Variants in UTRN observed in about 807,000 individuals in gnomAD.
The protein encoded by UTRN is utrophin.
A neutral mutation model predicts 463.9 loss-of-function variants in UTRN; 283 were observed. That is an observed-to-expected ratio of 0.61 (90% CI 0.55 to 0.67). The LOEUF is 0.67. Ranked by LOEUF, UTRN falls within the 30% of genes least tolerant of loss-of-function variation. UTRN has a pLI of 0.00. For missense variants in UTRN, 3,922 were observed against 4,084.3 expected (o/e 0.96, Z 1.08); for synonymous variants, 1,442 against 1,431.5 (o/e 1.01, Z -0.17).
intron 2 of UTRN, among the ~76,000 whole-genome samples, chr6:144,378,596 G>A (rs1780657127): frequency 6.6e-6 from 1 of 152,196 alleles, no homozygotes; most frequent in Non-Finnish European, 1.5e-5. Flanking sequence ...CCAATATCCC[G>A]AGGCAGGAAA....
intron 50 of UTRN, among the ~76,000 whole-genome samples, chr6:144,558,919 A>G (rs1799620015): frequency 6.6e-6 from 1 of 152,214 alleles, no homozygotes; most frequent in African/African-American, 2.4e-5. Flanking sequence ...AGTACGATGA[A>G]TAAAAATTAT....
At chr6:144,608,842 G>T (rs1241264554) in intron 51 of UTRN, among the ~76,000 whole-genome samples, 6 of 152,104 alleles carry the variant, frequency 3.9e-5, no homozygotes, top group Non-Finnish European at 5.9e-5. Flanking sequence ...TTTCATCTTG[G>T]TATCTGCAAC....
intron 51 of UTRN, among the ~76,000 whole-genome samples, chr6:144,628,800 G>A (rs185969636): frequency 2.0e-5 from 3 of 152,248 alleles, no homozygotes; most frequent in East Asian, 1.9e-4. Context: ...TAGATCTGAC[G>A]ATTCACAACT....
intron 54 of UTRN, among the ~76,000 whole-genome samples, chr6:144,744,398 T>C (rs917731710): frequency 7.0e-6 from 1 of 142,710 alleles, no homozygotes; most frequent in Non-Finnish European, 1.6e-5. Context: ...ATGTATAATA[T>C]ATACATAATT....
chr6:144,334,457 C>T lies in UTRN; in HGVS notation c.79+42550C>T, dbSNP rs180968220. ...GTTGCGTCACTCTGTCATCTGTCGC[C>T]GAAAGACTCATAATCCGGGCAGCCT... On this transcript the variant is annotated intron_variant, in intron 2 of 74. Coordinates refer to ENST00000367545, the MANE Select transcript of UTRN (RefSeq NM_007124.3). 2.7e-3 allele frequency among the ~76,000 whole-genome samples: 405 copies of T among 151,930 alleles called. 3 individuals are homozygous for T. The highest frequency in any genetic ancestry group is 9.3e-3 in the African/African-American group (383 of 41,380).
At chr6:144,295,678 T>G (rs1473069824) in intron 2 of UTRN, among the ~76,000 whole-genome samples, 1 of 152,236 alleles carries the variant, frequency 6.6e-6, no homozygotes, top group East Asian at 1.9e-4. Context: ...TCACCCAGTC[T>G]CTGTTTGCAC....
chr6:144,828,701 T>G, intron 68 of UTRN, 89 bp from the exon 69 acceptor site: 6 of 1,302,356 alleles, frequency 4.6e-6, no homozygotes, highest in Non-Finnish European at 6.6e-6. Flanking sequence ...GTCAGAATTT[T>G]GACAATTTAA....
Position 144,813,655 on chromosome 6 carries a change from G to A in UTRN, c.9358-7227G>A, listed in dbSNP as rs9403613. Among the ~76,000 whole-genome samples, 481 of 152,206 alleles carry A rather than the reference G, an allele frequency of 3.2e-3. 20 individuals are homozygous for A. In the East Asian group the frequency reaches 0.077, roughly 24 times the overall value. On this transcript the variant is annotated intron_variant, in intron 65 of 74. Transcript: ENST00000367545. ...GAGATCCAAAATAAATCCAGGTGGCGATAAGCCACCACCAGCCACAAAACG... is the reference window on the plus strand; with the variant it reads ...GAGATCCAAAATAAATCCAGGTGGCAATAAGCCACCACCAGCCACAAAACG...
At chr6:144,380,059 T>C (rs1241862944) in intron 2 of UTRN, among the ~76,000 whole-genome samples, 1 of 152,178 alleles carries the variant, frequency 6.6e-6, no homozygotes, top group Non-Finnish European at 1.5e-5. Context: ...GAAGAATGAA[T>C]AAATAAATGT....
At chr6:144,718,907 C>T (rs9373425) in intron 53 of UTRN, among the ~76,000 whole-genome samples, 69,623 of 152,102 alleles carry the variant, frequency 0.46, 21,174 homozygotes, top group East Asian at 0.87. Flanking sequence ...GCAGGTGGCA[C>T]TGGAGCCGGA....
At position 144,522,015 on chromosome 6, in the gene UTRN, T is replaced by A; in HGVS notation, c.5577T>A (p.Leu1859=). The A allele has an allele frequency of 6.3e-7, 1 of 1,579,564 alleles. No individual in the cohort carries two copies. ...IPIQQRKMGQ[L]ASGIRSSLLP... The stretch of plus-strand genomic sequence containing the variant: ...TTCAACAGAGGAAAATGGGTCAACT[T>A]GCTTCTGGAATTAGATCATCACTTC... Residue 1859 remains leucine (L), a synonymous_variant, in exon 40 of 75, where the codon CTT becomes CTA. Transcript: ENST00000367545.
intron 51 of UTRN, among the ~76,000 whole-genome samples, chr6:144,664,338 G>A (rs1433678708): frequency 2.0e-5 from 3 of 152,170 alleles, no homozygotes; most frequent in Non-Finnish European, 4.4e-5. Flanking sequence ...CATTTGAAAT[G>A]CGATAATTTT....
intron 52 of UTRN, among the ~76,000 whole-genome samples, chr6:144,682,844 TG>T (rs1380265743): frequency 1.3e-5 from 2 of 152,222 alleles, no homozygotes; most frequent in Non-Finnish European, 2.9e-5. Context: ...TTGCCAAAAA[TG>T]GTGGCACGTG....
intron 23 of UTRN, among the ~76,000 whole-genome samples, chr6:144,464,505 CT>C (rs967617971): frequency 6.0e-4 from 87 of 145,404 alleles, no homozygotes; most frequent in Admixed American, 5.5e-4. Context: ...GACTCATTTA[CT>C]TTTTTTTTTT....
intron 48 of UTRN, 54 bp downstream of exon 48, chr6:144,551,136 G>GACACACACACAC (rs5880596): frequency 5.2e-5 from 33 of 635,250 alleles, no homozygotes; most frequent in Middle Eastern, 9.8e-4. Context: ...TGCAAATGGT[G>GACACACACACAC]ACACACACAC....
chr6:144,806,713 G>T (rs1778184429), intron 65 of UTRN, among the ~76,000 whole-genome samples: 2 of 140,592 alleles, frequency 1.4e-5, no homozygotes, highest in East Asian at 4.3e-4. Context: ...TAATCTTTGT[G>T]CAATAATTAA....
Position 144,836,319 on chromosome 6 carries a change from T to G in UTRN, c.9843T>G (p.Tyr3281Ter). 1.2e-6 allele frequency: 2 copies of G among 1,614,146 alleles called. No individual in the cohort carries two copies. The highest frequency in any genetic ancestry group is 1.7e-6 in the Non-Finnish European group (2 of 1,179,990). Residue 3281 changes from tyrosine to a stop codon, truncating the protein, a stop_gained, in exon 71 of 75, where the codon TAT becomes TAG. Coordinates refer to ENST00000367545, the MANE Select transcript of UTRN (RefSeq NM_007124.3). LOFTEE classifies it high-confidence loss of function. ...EEEQRNLQVE[Y>*]EQLKDQHLRR... Reference sequence around the variant, plus strand: ...GTATTAGAAATCTACAGGTGGAGTATGAGCAGCTGAAGGACCAGCACCTCC... The same window carrying G: ...GTATTAGAAATCTACAGGTGGAGTAGGAGCAGCTGAAGGACCAGCACCTCC...
chr6:144,485,271 C>G (rs1792318428), intron 27 of UTRN, 114 bp from the exon 28 acceptor site: 4 of 1,426,224 alleles, frequency 2.8e-6, no homozygotes, highest in African/African-American at 1.4e-5. Flanking sequence ...GTTCTGAATT[C>G]CTAGGTATAC....
intron 71 of UTRN, among the ~76,000 whole-genome samples, chr6:144,837,581 C>T (rs1781206595): frequency 6.6e-6 from 1 of 152,134 alleles, no homozygotes; most frequent in Non-Finnish European, 1.5e-5. Flanking sequence ...GTGTGGAGCT[C>T]CTATGTGATA....
Sources: gnomAD v4.1 joint callset for allele counts (sites outside exome capture counted in the v4.1 genomes callset) on GRCh38, gnomAD v4.1.1 for gene constraint, MANE v1.5 for transcripts, NCBI Gene and HGNC (gene_info 2026-07-23, HGNC 2026-07-21) for gene names.